Variants in DHRS2 observed in about 807,000 individuals in gnomAD.
DHRS2 encodes the protein dehydrogenase/reductase 2, also known as dehydrogenase/reductase SDR family member 2, mitochondrial.
DHRS2 carries 29 observed loss-of-function variants against 26.3 expected under a neutral mutation model. That is an observed-to-expected ratio of 1.10 (90% CI 0.82 to 1.50). DHRS2 has a LOEUF of 1.50. DHRS2 is among the 40% of genes most tolerant of loss of function. DHRS2 has a pLI of 0.00. For missense variants in DHRS2, 439 were observed against 367.1 expected, an observed-to-expected ratio of 1.20 and a Z score of -1.60; for synonymous variants, 164 against 151.3, an observed-to-expected ratio of 1.08 and a Z score of -0.62.
chr14:23,638,660 G>T, intron 1 of DHRS2, 167 bp from the exon 2 acceptor site: 1 of 608,432 alleles, frequency 1.6e-6, no homozygotes, highest in South Asian at 2.2e-5. Context: ...AGTTTTCATG[G>T]ATTGCTTTCC....
At chr14:23,639,954 C>G in intron 4 of DHRS2, 59 bp downstream of exon 4, 1 of 1,366,938 alleles carries the variant, frequency 7.3e-7, no homozygotes. Context: ...GCACTGGGCT[C>G]CAGCATGCCT....
intron 1 of DHRS2, among the ~76,000 whole-genome samples, chr14:23,637,067 G>T (rs1307703298): frequency 1.3e-5 from 2 of 152,182 alleles, no homozygotes; most frequent in African/African-American, 4.8e-5. Context: ...CAAGTTGGTT[G>T]ACCCTGCGGC....
At chr14:23,640,350 C>T (rs1890596367) in intron 4 of DHRS2, 1 of 985,478 alleles carries the variant, frequency 1.0e-6, no homozygotes, top group Non-Finnish European at 1.2e-6. Context: ...GAAGGGGGCT[C>T]CTCACTGAGT....
At chr14:23,642,204 G>A (rs1022781267) in intron 4 of DHRS2, 17 of 1,006,336 alleles carry the variant, frequency 1.7e-5, no homozygotes, top group Non-Finnish European at 1.8e-5. Context: ...CCAAGTCTGC[G>A]ATAAGCTGGT....
rs1393894434 is a variant in DHRS2 at position 23,639,814 on chromosome 14, C to A, written c.339C>A (p.Gly113=). 9 of 1,609,502 alleles carry A rather than the reference C, an allele frequency of 5.6e-6. 1 individual carries two copies. The South Asian group carries it at 8.8e-5, about 16-fold the overall frequency. ...CGCAGGCCCTGGAGCACTGTGGGGG[C>A]GTCGACTTCCTGGTGTGCAGCGCAG... ...LVAKALEHCG[G]VDFLVCSAGV... Residue 113 remains glycine, a synonymous_variant, in exon 4 of 9, where the codon GGC becomes GGA. Transcript: ENST00000250383.
At chr14:23,641,996 C>G in intron 4 of DHRS2, 1 of 1,120,456 alleles carries the variant, frequency 8.9e-7, no homozygotes, top group South Asian at 2.1e-5. Context: ...GCCTCTGCAT[C>G]TTTCCTTGCT....
intron 3 of DHRS2, 113 bp downstream of exon 3, chr14:23,639,469 C>A (rs1341773755): frequency 4.3e-6 from 6 of 1,383,292 alleles, no homozygotes; most frequent in Non-Finnish European, 5.7e-6. Context: ...ATGACTGCAC[C>A]CAGGCTGCCC....
chr14:23,644,596 C>T (rs367937568), intron 7 of DHRS2, 53 bp downstream of exon 7: 4 of 1,613,562 alleles, frequency 2.5e-6, no homozygotes, highest in Admixed American at 1.7e-5. Context: ...GGGAACCCTT[C>T]CCAGTGAATA....
chr14:23,644,352 A>G (rs1890787170), intron 6 of DHRS2, 57 bp from the exon 7 acceptor site: 9 of 1,606,860 alleles, frequency 5.6e-6, no homozygotes, highest in South Asian at 3.3e-5. Context: ...GAGAAATCCA[A>G]CTGATGCTTT....
chr14:23,642,850 GACCC>G, intron 4 of DHRS2: 1 of 279,446 alleles, frequency 3.6e-6, no homozygotes, highest in Middle Eastern at 1.2e-3. Context: ...TTACAGGCAT[GACCC>G]ACTGCCCCCA....
chr14:23,643,284 T>G, intron 5 of DHRS2, 65 bp downstream of exon 5: 2 of 1,457,556 alleles, frequency 1.4e-6, no homozygotes, highest in Non-Finnish European at 1.9e-6. Flanking sequence ...AGAAATACAG[T>G]CGGTAGCACA....
chr14:23,644,464 T>G lies in DHRS2; in HGVS notation c.596T>G (p.Leu199Arg), dbSNP rs761429080. Residue 199 changes from leucine to arginine, a missense_variant, in exon 7 of 9, where the codon CTG (leucine) becomes CGG (arginine). Physicochemically the swap from Leu to Arg is moderately radical, Grantham distance 102. Coordinates refer to ENST00000250383, the MANE Select transcript of DHRS2 (RefSeq NM_005794.4). ...KTALLGLTRT[L>R]ALELAPKDIR... ...GCGCTGCTGGGTCTCACTAGAACACTGGCATTGGAGCTGGCCCCCAAGGAC... is the reference window on the plus strand; with the variant it reads ...GCGCTGCTGGGTCTCACTAGAACACGGGCATTGGAGCTGGCCCCCAAGGAC... The G allele has an allele frequency of 4.3e-6, 7 of 1,614,100 alleles. No individual in the cohort carries two copies. The East Asian group carries it at 1.6e-4, about 36-fold the overall frequency.
intron 1 of DHRS2, among the ~76,000 whole-genome samples, 179 bp downstream of exon 1, chr14:23,636,951 T>C (rs909753792): frequency 2.0e-5 from 3 of 151,932 alleles, no homozygotes; most frequent in Non-Finnish European, 4.4e-5. Flanking sequence ...CTCTGTGGAG[T>C]TGGGAATGTT....
chr14:23,639,758 G>C, intron 3 of DHRS2, 36 bp from the exon 4 acceptor site: 1 of 1,568,232 alleles, frequency 6.4e-7, no homozygotes, highest in East Asian at 2.3e-5. Context: ...GTCCTCCTCA[G>C]GCCATCTCCA....
intron 1 of DHRS2, chr14:23,638,336 G>A (rs1054120822): frequency 3.5e-5 from 6 of 170,516 alleles, no homozygotes; most frequent in East Asian, 1.8e-4. Flanking sequence ...CACTCATTGC[G>A]AGGGTCCGTG....
chr14:23,640,526 C>G, intron 4 of DHRS2: 1 of 751,050 alleles, frequency 1.3e-6, no homozygotes, highest in Non-Finnish European at 1.6e-6. Flanking sequence ...TAGTTGTTCC[C>G]CAGTGACTTC....
chr14:23,644,238 G>A, intron 6 of DHRS2, 76 bp downstream of exon 6: 2 of 1,583,592 alleles, frequency 1.3e-6, no homozygotes, highest in Non-Finnish European at 1.7e-6. Flanking sequence ...GAGCCTTACA[G>A]ACAAAGTGCC....
chr14:23,636,710 T>C lies in DHRS2; in HGVS notation c.-101T>C, dbSNP rs754484121. 5 of 151,064 alleles carry C rather than the reference T, an allele frequency of 3.3e-5. No individual in the cohort carries two copies. The highest frequency in any genetic ancestry group is 7.5e-5 in the Non-Finnish European group (5 of 67,086). The allele number at this position is 151,064 out of a possible 1,614,324, so 9.4% of individuals were successfully genotyped here. A position where few individuals can be genotyped will look rare whatever the true frequency, so the allele number is the denominator to read the frequency against. The stretch of plus-strand genomic sequence containing the variant: ...AAGTGGTGAGACTATTGCCAAGCAG[T>C]GAGACTATTGCCAAGTGGTGAGACC... On this transcript the variant is annotated 5_prime_UTR_variant, in exon 1 of 9. Transcript: ENST00000250383.
chr14:23,632,577 G>T (rs1428294726), upstream of DHRS2, among the ~76,000 whole-genome samples: 1 of 152,194 alleles, frequency 6.6e-6, no homozygotes, highest in Non-Finnish European at 1.5e-5. Context: ...ATATTTAATA[G>T]ACAGTTTCTT....
Sources: allele counts gnomAD v4.1 joint callset (sites outside exome capture counted in the v4.1 genomes callset), GRCh38; gene constraint gnomAD v4.1.1; transcripts MANE v1.5; gene names NCBI Gene and HGNC (gene_info 2026-07-23, HGNC 2026-07-21).